Variants in CDS2 observed in about 807,000 individuals in gnomAD.
CDS2 encodes CDP-diacylglycerol synthase 2.
CDS2 carries 47 observed loss-of-function variants against 59.0 expected under a neutral mutation model. That is an observed-to-expected ratio of 0.80 (90% CI 0.63 to 1.02). The LOEUF (loss-of-function observed/expected upper bound fraction) is 1.02, where lower values mean the gene tolerates loss of function less well. Among genes scored for constraint, CDS2 ranks in the 50% least tolerant of loss-of-function variants. The pLI is 0.00. For synonymous variants in CDS2, 207 were observed against 206.4 expected (o/e 1.00, Z -0.02); for missense variants, 356 against 558.9 (o/e 0.64, Z 3.66).
At chr20:5,151,605 A>G (rs78085324) in intron 1 of CDS2, among the ~76,000 whole-genome samples, 7,184 of 151,806 alleles carry the variant, frequency 0.047, 238 homozygotes, top group African/African-American at 0.088. Flanking sequence ...TAAAAAAAAA[A>G]TAAATAAAAT....
At chr20:5,141,195 C>T (rs2090690656) in intron 1 of CDS2, among the ~76,000 whole-genome samples, 3 of 152,226 alleles carry the variant, frequency 2.0e-5, no homozygotes, top group Admixed American at 1.3e-4. Context: ...ACCCTCATTT[C>T]AAAACCCTAT....
At chr20:5,168,501 A>G (rs1165601535) in intron 1 of CDS2, 1 of 442,038 alleles carries the variant, frequency 2.3e-6, no homozygotes, top group Non-Finnish European at 4.6e-6. Flanking sequence ...AGCCTGACAC[A>G]GTGCCCAAGG....
intron 2 of CDS2, among the ~76,000 whole-genome samples, chr20:5,174,756 C>A (rs1257647074): frequency 6.6e-6 from 1 of 151,948 alleles, no homozygotes; most frequent in Non-Finnish European, 1.5e-5. Context: ...TTTATGGTAG[C>A]TGTTATTATC....
At chr20:5,142,311 A>G (rs1256484040) in intron 1 of CDS2, among the ~76,000 whole-genome samples, 1 of 152,070 alleles carries the variant, frequency 6.6e-6, no homozygotes, top group Non-Finnish European at 1.5e-5. Context: ...GCCTGGCATG[A>G]TGGTGCATGC....
intron 1 of CDS2, among the ~76,000 whole-genome samples, chr20:5,167,166 T>G (rs1488365378): frequency 2.0e-5 from 3 of 152,210 alleles, no homozygotes; most frequent in Non-Finnish European, 4.4e-5. Context: ...TGTAAATAGC[T>G]TTATCTGGAG....
chr20:5,143,839 A>G (rs1250668748), intron 1 of CDS2, among the ~76,000 whole-genome samples: 1 of 145,748 alleles, frequency 6.9e-6, no homozygotes, highest in Non-Finnish European at 1.5e-5. Flanking sequence ...ATCTTGGCTT[A>G]CTACAACCTC....
At chr20:5,140,252 A>G (rs2090683104) in intron 1 of CDS2, among the ~76,000 whole-genome samples, 1 of 152,312 alleles carries the variant, frequency 6.6e-6, no homozygotes, top group East Asian at 1.9e-4. Context: ...TGCTATTGTA[A>G]GTAATGCTGC....
At chr20:5,170,594 G>A (rs576163501) in intron 1 of CDS2, among the ~76,000 whole-genome samples, 11 of 152,336 alleles carry the variant, frequency 7.2e-5, no homozygotes, top group Admixed American at 2.0e-4. Flanking sequence ...GGGATTTGCC[G>A]TTGGCACCTG....
intron 1 of CDS2, among the ~76,000 whole-genome samples, chr20:5,166,832 G>T (rs2090916596): frequency 6.6e-6 from 1 of 152,166 alleles, no homozygotes; most frequent in Non-Finnish European, 1.5e-5. Context: ...TTGGGTTGTT[G>T]TGGTTTGAGG....
chr20:5,167,739 T>C (rs776126649), intron 1 of CDS2, among the ~76,000 whole-genome samples: 5 of 152,218 alleles, frequency 3.3e-5, no homozygotes, highest in Non-Finnish European at 7.3e-5. Flanking sequence ...GTCACAGGGC[T>C]TGATCTAGAA....
rs190916180 is a variant in CDS2 at position 5,193,921 on chromosome 20, A to G, written c.*3687A>G. On this transcript the variant is annotated 3_prime_UTR_variant, in exon 13 of 13. Coordinates refer to ENST00000460006, the MANE Select transcript of CDS2 (RefSeq NM_003818.4). ...ATATCTGGGCCCACCTTTCTTGCAC[A>G]CTGTGATTATGTGCTAAGAAAAGGG... is the stretch of plus-strand genomic sequence containing the variant. 2.0e-4 allele frequency: 30 copies of G among 152,262 alleles called. 1 individual carries two copies. In the East Asian group the frequency reaches 4.8e-3, roughly 24 times the overall value. The allele number at this position is 152,262 out of a possible 1,614,324, so 9.4% of individuals were successfully genotyped here. A position where few individuals can be genotyped will look rare whatever the true frequency, so the allele number is the denominator to read the frequency against.
In CDS2 at chr20:5,178,835, A is replaced by T; in HGVS notation, c.408A>T (p.Val136=). Residue 136 remains valine (V), a synonymous_variant, in exon 5 of 13, where the codon GTA becomes GTT. Coordinates refer to ENST00000460006, the MANE Select transcript of CDS2 (RefSeq NM_003818.4). ...RTLSWYFLLC[V]NYFFYGETVT... ...TTTACAGGTACTTTCTCCTGTGTGT[A>T]AACTATTTCTTCTATGGTGAGACAG... 1.2e-6 allele frequency: 2 copies of T among 1,614,140 alleles called. No individual in the cohort carries two copies. Among genetic ancestry groups the T allele is most frequent in the Admixed American group, 1.7e-5 (1 of 60,022 alleles).
chr20:5,185,491 T>C (rs553658075), intron 8 of CDS2, among the ~76,000 whole-genome samples: 1 of 152,340 alleles, frequency 6.6e-6, no homozygotes, highest in South Asian at 2.1e-4. Context: ...TTTTTGGGAC[T>C]TTGATCTGGA....
chr20:5,167,493 C>A (rs2090921375), intron 1 of CDS2, among the ~76,000 whole-genome samples: 1 of 152,064 alleles, frequency 6.6e-6, no homozygotes, highest in African/African-American at 2.4e-5. Flanking sequence ...TTATTCCCAA[C>A]AATATACACA....
rs1568523453 is a variant in CDS2 at position 5,127,047 on chromosome 20, C to A, written c.-46C>A. 1 of 1,476,908 alleles carries A rather than the reference C, an allele frequency of 6.8e-7. No homozygotes were observed. The highest frequency in any genetic ancestry group is 1.3e-5 in the South Asian group (1 of 77,312). The allele number at this position is 1,476,908 out of a possible 1,614,324, so 91.5% of individuals were successfully genotyped here. On this transcript the variant is annotated 5_prime_UTR_variant, in exon 1 of 13. Coordinates refer to ENST00000460006, the MANE Select transcript of CDS2 (RefSeq NM_003818.4). ...GCCCGCGCCGAGCTGCCTGCTCCGGCGGCTTCGCTGCTAGCTCGCGGCGAC... is the reference window on the plus strand; with the variant it reads ...GCCCGCGCCGAGCTGCCTGCTCCGGAGGCTTCGCTGCTAGCTCGCGGCGAC...
chr20:5,169,529 A>T (rs2123032281), intron 1 of CDS2, among the ~76,000 whole-genome samples: 1 of 152,294 alleles, frequency 6.6e-6, no homozygotes, highest in East Asian at 1.9e-4. Context: ...TGTTCCAGGC[A>T]CTGCTCAGTG....
intron 1 of CDS2, among the ~76,000 whole-genome samples, chr20:5,143,456 G>C (rs567393176): frequency 6.6e-6 from 1 of 152,224 alleles, no homozygotes; most frequent in South Asian, 2.1e-4. Flanking sequence ...GTAGAAATCT[G>C]TACATGTATT....
At chr20:5,176,367 G>T in intron 3 of CDS2, 1 of 315,478 alleles carries the variant, frequency 3.2e-6, no homozygotes, top group East Asian at 6.3e-5. Flanking sequence ...GACCAGCCTG[G>T]GCAACACGGT....
At chr20:5,175,053 C>CA (rs1488826009) in intron 2 of CDS2, 130 bp from the exon 3 acceptor site, 6 of 692,700 alleles carry the variant, frequency 8.7e-6, no homozygotes, top group African/African-American at 7.2e-5. Flanking sequence ...GTGCCTCCGT[C>CA]ACGGTGAATC....
Sources: gnomAD v4.1 joint callset for allele counts (sites outside exome capture counted in the v4.1 genomes callset) on GRCh38, gnomAD v4.1.1 for gene constraint, MANE v1.5 for transcripts, NCBI Gene and HGNC (gene_info 2026-07-23, HGNC 2026-07-21) for gene names.